TCP11L2: variants seen among roughly 807,000 people sequenced by gnomAD.
The protein encoded by TCP11L2 is t-complex 11 like 2.
Under a neutral mutation model 50.7 loss-of-function variants are expected in TCP11L2, and 39 were observed. The ratio of observed to expected loss-of-function variants is 0.77; its 90% CI spans 0.60 to 1.01. The LOEUF is 1.01. TCP11L2 is among the 50% of genes least tolerant of loss of function. TCP11L2 has a pLI of 0.00. For synonymous variants in TCP11L2, 192 were observed against 219.3 expected (o/e 0.88, Z 1.10); for missense variants, 612 against 614.7 (o/e 1.00, Z 0.05).
intron 9 of TCP11L2, among the ~76,000 whole-genome samples, chr12:106,345,489 G>A (rs899634762): frequency 1.3e-5 from 2 of 152,196 alleles, no homozygotes; most frequent in Non-Finnish European, 2.9e-5. Context: ...GGATTTCTAT[G>A]TGAAATCTCC....
At chr12:106,310,624 A>G (rs76594952) in intron 1 of TCP11L2, among the ~76,000 whole-genome samples, 5,228 of 152,272 alleles carry the variant, frequency 0.034, 339 homozygotes, top group African/African-American at 0.12. Flanking sequence ...TTTCACTATG[A>G]GGTAGGTAGT....
At chr12:106,319,060 C>A (rs367633840) in intron 4 of TCP11L2, among the ~76,000 whole-genome samples, 2 of 152,050 alleles carry the variant, frequency 1.3e-5, no homozygotes, top group Non-Finnish European at 2.9e-5. Flanking sequence ...TACAGGCGCC[C>A]GCCACCGCGC....
intron 1 of TCP11L2, among the ~76,000 whole-genome samples, chr12:106,308,128 A>G (rs1026805139): frequency 1.3e-5 from 2 of 152,260 alleles, no homozygotes; most frequent in African/African-American, 4.8e-5. Flanking sequence ...CCCCTGTGCC[A>G]GGAACTCTAC....
upstream of TCP11L2, among the ~76,000 whole-genome samples, chr12:106,298,540 G>A (rs919076377): frequency 2.0e-5 from 3 of 151,672 alleles, no homozygotes; most frequent in Admixed American, 6.6e-5. Context: ...AATTTTTTTT[G>A]AGACAAAGTC....
rs1355214931 is a variant in TCP11L2 at position 106,346,545 on chromosome 12, T to C, written c.*15T>C. On this transcript the variant is annotated 3_prime_UTR_variant, in exon 10 of 10. Coordinates refer to ENST00000299045, the MANE Select transcript of TCP11L2 (RefSeq NM_152772.3). The stretch of plus-strand genomic sequence containing the variant: ...CTACTAACTAAAGAAGAACTGACAT[T>C]GGACGAGAGATTGGAAATCCAGTAC... 2 of 1,602,808 alleles carry C rather than the reference T, an allele frequency of 1.2e-6. No homozygotes were observed. Among genetic ancestry groups the C allele is most frequent in the South Asian group, 2.2e-5 (2 of 90,414 alleles).
At chr12:106,343,076 G>A (rs556889969) in intron 9 of TCP11L2, among the ~76,000 whole-genome samples, 3 of 152,152 alleles carry the variant, frequency 2.0e-5, no homozygotes, top group Admixed American at 6.6e-5. Context: ...TCACTTGAAC[G>A]TCTCTTCTTC....
chr12:106,330,837 G>T (rs1292327991), intron 6 of TCP11L2, among the ~76,000 whole-genome samples: 1 of 152,156 alleles, frequency 6.6e-6, no homozygotes, highest in Non-Finnish European at 1.5e-5. Context: ...AAGCAACTCT[G>T]TGTGAGTTGT....
chr12:106,298,798 T>C (rs750083330), upstream of TCP11L2, among the ~76,000 whole-genome samples: 36 of 151,500 alleles, frequency 2.4e-4, no homozygotes, highest in Non-Finnish European at 4.1e-4. Context: ...GCTGGGATTA[T>C]AGGTGTGAAC....
At chr12:106,312,541 C>T in intron 2 of TCP11L2, 2 of 510,246 alleles carry the variant, frequency 3.9e-6, no homozygotes, top group Non-Finnish European at 5.2e-6. Context: ...TGTGTATCAC[C>T]TTTCTCTTCT....
chr12:106,328,402 G>A (rs1342018554), intron 6 of TCP11L2, among the ~76,000 whole-genome samples: 1 of 152,162 alleles, frequency 6.6e-6, no homozygotes, highest in Non-Finnish European at 1.5e-5. Context: ...AAATTAGCCG[G>A]GTGTGGTGGC....
chr12:106,321,581 C>T lies in TCP11L2; in HGVS notation c.510C>T (p.His170=), dbSNP rs754073751. 2 of 1,614,082 alleles carry T rather than the reference C, an allele frequency of 1.2e-6. No individual in the cohort carries two copies. The highest frequency in any genetic ancestry group is 4.5e-5 in the East Asian group (2 of 44,900). Residue 170 remains histidine, a synonymous_variant, in exon 5 of 10, where the codon CAC becomes CAT. Coordinates refer to ENST00000299045, the MANE Select transcript of TCP11L2 (RefSeq NM_152772.3). ...ACCTCATTAGGCAGCAGGCTGAGCACAGTGCTGTTGACATCCAAGGCCTGG... is the reference window on the plus strand; with the variant it reads ...ACCTCATTAGGCAGCAGGCTGAGCATAGTGCTGTTGACATCCAAGGCCTGG... ...DTDLIRQQAE[H]SAVDIQGLAN... is the part of the protein sequence containing the mutation.
chr12:106,326,131 T>C (rs537694739), intron 6 of TCP11L2, among the ~76,000 whole-genome samples: 11 of 152,274 alleles, frequency 7.2e-5, no homozygotes, highest in South Asian at 6.2e-4. Context: ...TGGGGTTTAA[T>C]TAACCACTAT....
intron 6 of TCP11L2, among the ~76,000 whole-genome samples, chr12:106,328,549 CA>C: frequency 6.6e-6 from 1 of 152,086 alleles, no homozygotes. Flanking sequence ...GTCTCAAAAA[CA>C]AAACAAAACA....
At chr12:106,327,455 C>T (rs1203782600) in intron 6 of TCP11L2, among the ~76,000 whole-genome samples, 1 of 152,186 alleles carries the variant, frequency 6.6e-6, no homozygotes, top group East Asian at 1.9e-4. Flanking sequence ...GCTGGGATTA[C>T]AGGCATGAGC....
chr12:106,308,067 A>G lies in TCP11L2; in HGVS notation c.-35-2974A>G, dbSNP rs2034703668. On this transcript the variant is annotated intron_variant, in intron 1 of 9. Transcript: ENST00000299045. ...AGTTGTAATGTGGAGGCTTCTACCC[A>G]CTAAACAAGAGTTTCTAAACATTTT... 3.9e-5 allele frequency among the ~76,000 whole-genome samples: 6 copies of G among 152,240 alleles called. No individual in the cohort carries two copies. In the South Asian group the frequency reaches 1.2e-3, roughly 31 times the overall value.
chr12:106,298,830 T>G (rs1390981223), upstream of TCP11L2, among the ~76,000 whole-genome samples: 2 of 151,678 alleles, frequency 1.3e-5, no homozygotes, highest in Non-Finnish European at 1.5e-5. Context: ...GCCATTTTTT[T>G]TTGTGAGACC....
At chr12:106,323,738 T>C in intron 6 of TCP11L2, 92 bp downstream of exon 6, 1 of 467,992 alleles carries the variant, frequency 2.1e-6, no homozygotes, top group Non-Finnish European at 3.1e-6. Flanking sequence ...TTAAATTAAA[T>C]TAAATTAATA....
At chr12:106,313,710 A>G (rs900302303) in intron 2 of TCP11L2, among the ~76,000 whole-genome samples, 8 of 151,514 alleles carry the variant, frequency 5.3e-5, no homozygotes, top group Non-Finnish European at 1.2e-4. Flanking sequence ...AATTTCCTAT[A>G]TAATACATAT....
chr12:106,346,623 AG>A lies in TCP11L2; in HGVS notation c.*94del. ...GGCATTAGAGATCCAGCACATTCTCAGTACTGTGGTGCAGTATTAGCCCAAA... is the reference window on the plus strand; with the variant it reads ...GGCATTAGAGATCCAGCACATTCTCATACTGTGGTGCAGTATTAGCCCAAA... On this transcript the variant is annotated 3_prime_UTR_variant, in exon 10 of 10. Coordinates refer to ENST00000299045, the MANE Select transcript of TCP11L2 (RefSeq NM_152772.3). The A allele has an allele frequency of 6.7e-7, 1 of 1,489,388 alleles. No homozygotes were observed. The highest frequency in any genetic ancestry group is 9.0e-7 in the Non-Finnish European group (1 of 1,115,004). The allele number at this position is 1,489,388 out of a possible 1,614,324, so 92.3% of individuals were successfully genotyped here.
Sources: allele counts gnomAD v4.1 joint callset (sites outside exome capture counted in the v4.1 genomes callset), GRCh38; gene constraint gnomAD v4.1.1; transcripts MANE v1.5; gene names NCBI Gene and HGNC (gene_info 2026-07-23, HGNC 2026-07-21).